Variants in SULF1 observed in about 807,000 individuals in gnomAD.
The protein encoded by SULF1 is sulfatase 1.
A neutral mutation model predicts 110.5 loss-of-function variants in SULF1; 46 were observed. The ratio of observed to expected loss-of-function variants is 0.42; its 90% CI spans 0.33 to 0.53. The LOEUF (loss-of-function observed/expected upper bound fraction) is 0.53, where lower values mean the gene tolerates loss of function less well. Ranked by LOEUF, SULF1 falls within the 20% of genes least tolerant of loss-of-function variation. SULF1 has a pLI of 0.12. For missense variants in SULF1, 941 were observed against 1,094.2 expected (o/e 0.86, Z 1.98); for synonymous variants, 371 against 387.1 (o/e 0.96, Z 0.49).
rs117428808 is a variant in SULF1 at position 69,553,116 on chromosome 8, G to A, written c.-133-10423G>A. On this transcript the variant is annotated intron_variant, in intron 3 of 22. Transcript: ENST00000402687. ...ACCTCCTTCACATTAGCTCTCCAAA[G>A]TCAGGCTTGCTAACCTCCTTTCTCA... is the stretch of plus-strand genomic sequence containing the variant. Among the ~76,000 whole-genome samples, 915 of 152,314 alleles carry A rather than the reference G, an allele frequency of 6.0e-3. 8 individuals carry two copies. The highest frequency in any genetic ancestry group is 5.9e-3 in the Non-Finnish European group (400 of 68,016).
chr8:69,538,407 G>C (rs1037335245), intron 3 of SULF1, among the ~76,000 whole-genome samples: 22 of 151,178 alleles, frequency 1.5e-4, no homozygotes, highest in African/African-American at 5.4e-4. Context: ...CTATCAATTT[G>C]GCTTGAGATT....
At chr8:69,558,008 C>T (rs1020306928) in intron 3 of SULF1, among the ~76,000 whole-genome samples, 1 of 152,178 alleles carries the variant, frequency 6.6e-6, no homozygotes, top group African/African-American at 2.4e-5. Flanking sequence ...AGGAAACAGG[C>T]TTTCTGGAGA....
chr8:69,538,211 T>A (rs758066906), intron 3 of SULF1, among the ~76,000 whole-genome samples: 126 of 152,036 alleles, frequency 8.3e-4, no homozygotes, highest in Admixed American at 1.7e-3. Context: ...TATGTATACT[T>A]TTTTTTCAAG....
At position 69,623,936 on chromosome 8, in the gene SULF1, T is replaced by G. The variant is rs2130567960; in HGVS notation, c.1595-6T>G. The G allele has an allele frequency of 2.5e-6, 4 of 1,609,978 alleles. No individual in the cohort carries two copies. The East Asian group carries it at 8.9e-5, about 36-fold the overall frequency. On this transcript the variant is annotated splice_region_variant and splice_polypyrimidine_tract_variant and intron_variant, in intron 14 of 22. Coordinates refer to ENST00000402687, the MANE Select transcript of SULF1 (RefSeq NM_001128205.2). ...TCCATAGTAATGTATCTTCCCTTACTTCTAGAGTACAAGCCCAGATTTGTC... is the reference window on the plus strand; with the variant it reads ...TCCATAGTAATGTATCTTCCCTTACGTCTAGAGTACAAGCCCAGATTTGTC...
intron 13 of SULF1, among the ~76,000 whole-genome samples, chr8:69,606,246 G>A (rs967677842): frequency 4.6e-5 from 7 of 152,194 alleles, no homozygotes; most frequent in African/African-American, 1.7e-4. Context: ...AGGGAGAGCT[G>A]TTGAAGGAAG....
intron 3 of SULF1, among the ~76,000 whole-genome samples, chr8:69,519,268 C>G (rs1812135884): frequency 6.6e-6 from 1 of 152,188 alleles, no homozygotes; most frequent in Non-Finnish European, 1.5e-5. Flanking sequence ...TCATTCATCT[C>G]TGCATTCTCA....
At chr8:69,547,110 C>T (rs1814317010) in intron 3 of SULF1, among the ~76,000 whole-genome samples, 1 of 151,926 alleles carries the variant, frequency 6.6e-6, no homozygotes, top group Non-Finnish European at 1.5e-5. Flanking sequence ...TGGAAAATAG[C>T]TACCAGCCTT....
chr8:69,558,206 G>GT (rs1166786589), intron 3 of SULF1, among the ~76,000 whole-genome samples: 1 of 152,198 alleles, frequency 6.6e-6, no homozygotes, highest in African/African-American at 2.4e-5. Context: ...CCTAAGAAAT[G>GT]TATGTAGACA....
chr8:69,658,765 G>A lies in SULF1; in HGVS notation c.*230G>A, dbSNP rs1468147839. On this transcript the variant is annotated 3_prime_UTR_variant, in exon 23 of 23. Transcript: ENST00000402687. ...TGACGGGTTCTTGGTTGTCTCTGCTGAGCACGCTGTGTCAATGGAGATGGC... is the reference window on the plus strand; with the variant it reads ...TGACGGGTTCTTGGTTGTCTCTGCTAAGCACGCTGTGTCAATGGAGATGGC... The A allele has an allele frequency of 1.5e-6, 1 of 654,564 alleles. No individual in the cohort carries two copies. Among genetic ancestry groups the A allele is most frequent in the South Asian group, 1.5e-5 (1 of 66,314 alleles). 40.5% of individuals were successfully genotyped at this position (654,564 alleles called of 1,614,324 possible).
intron 22 of SULF1, among the ~76,000 whole-genome samples, chr8:69,656,619 A>G (rs1310754042): frequency 6.6e-6 from 1 of 152,204 alleles, no homozygotes; most frequent in Non-Finnish European, 1.5e-5. Context: ...AATGGCTTCC[A>G]GCTTCATCCA....
chr8:69,593,974 A>G (rs1368374919), intron 8 of SULF1, among the ~76,000 whole-genome samples: 1 of 152,204 alleles, frequency 6.6e-6, no homozygotes, highest in African/African-American at 2.4e-5. Context: ...TGGTGATTCT[A>G]TAGGAAACTA....
chr8:69,600,802 T>C (rs757612304), intron 9 of SULF1, 49 bp downstream of exon 9: 5 of 1,575,594 alleles, frequency 3.2e-6, no homozygotes, highest in Non-Finnish European at 4.3e-6. Context: ...CAGCTTCCTT[T>C]GTGTAGACTT....
At chr8:69,578,989 G>C (rs1805852477) in intron 6 of SULF1, among the ~76,000 whole-genome samples, 1 of 151,518 alleles carries the variant, frequency 6.6e-6, no homozygotes, top group Non-Finnish European at 1.5e-5. Context: ...CGGTGAAACT[G>C]TCTCTACTAA....
chr8:69,572,301 G>T (rs1213709710), intron 5 of SULF1, among the ~76,000 whole-genome samples: 2 of 152,262 alleles, frequency 1.3e-5, no homozygotes, highest in South Asian at 4.2e-4. Flanking sequence ...CTGCTACTGA[G>T]GGTCTGTGTG....
chr8:69,566,245 G>C (rs2150725620), intron 5 of SULF1, among the ~76,000 whole-genome samples: 1 of 152,246 alleles, frequency 6.6e-6, no homozygotes, highest in South Asian at 2.1e-4. Context: ...CTCTAAACAA[G>C]CTAAAATTCC....
chr8:69,569,360 A>T (rs1805049686), intron 5 of SULF1, among the ~76,000 whole-genome samples: 1 of 152,192 alleles, frequency 6.6e-6, no homozygotes, highest in African/African-American at 2.4e-5. Context: ...ATTTTAAAAT[A>T]TATATAACAT....
Position 69,603,245 on chromosome 8 carries a change from C to G in SULF1, c.1115C>G (p.Ala372Gly). 1.2e-6 allele frequency: 2 copies of G among 1,614,150 alleles called. No individual in the cohort carries two copies. Among genetic ancestry groups the G allele is most frequent in the Non-Finnish European group, 1.7e-6 (2 of 1,180,014 alleles). Residue 372 changes from alanine (A) to glycine (G), a missense_variant, in exon 11 of 23, where the codon GCT becomes GGT. By Grantham distance (60) the Ala-to-Gly change is moderately conservative. Coordinates refer to ENST00000402687, the MANE Select transcript of SULF1 (RefSeq NM_001128205.2). Reference sequence around the variant, plus strand: ...TTGGCCCCCACGATCCTGGATATTGCTGGGCTCGACACACCTCCTGATGTG... The same window carrying G: ...TTGGCCCCCACGATCCTGGATATTGGTGGGCTCGACACACCTCCTGATGTG... ...IDLAPTILDI[A>G]GLDTPPDVDG...
At chr8:69,612,616 A>AT (rs1212155537) in intron 13 of SULF1, among the ~76,000 whole-genome samples, 1 of 151,954 alleles carries the variant, frequency 6.6e-6, no homozygotes, top group Non-Finnish European at 1.5e-5. Context: ...GATGTTGAGT[A>AT]TTTTTTCATG....
intron 22 of SULF1, among the ~76,000 whole-genome samples, chr8:69,655,516 A>G (rs1812658998): frequency 6.6e-6 from 1 of 152,066 alleles, no homozygotes; most frequent in South Asian, 2.1e-4. Context: ...TCTTTTGGTA[A>G]TTGTCTTTGT....
Sources: allele counts gnomAD v4.1 joint callset (sites outside exome capture counted in the v4.1 genomes callset), GRCh38; gene constraint gnomAD v4.1.1; transcripts MANE v1.5; gene names NCBI Gene and HGNC (gene_info 2026-07-23, HGNC 2026-07-21).